Variants in NHSL1 observed in about 807,000 individuals in gnomAD.
The protein encoded by NHSL1 is NHS-like protein 1.
A neutral mutation model predicts 95.0 loss-of-function variants in NHSL1; 48 were observed. The ratio of observed to expected loss-of-function variants is 0.51; its 90% CI spans 0.40 to 0.64. The LOEUF (loss-of-function observed/expected upper bound fraction) is 0.64. Ranked by LOEUF, NHSL1 falls within the 30% of genes least tolerant of loss-of-function variation. NHSL1 has a pLI of 0.00. For synonymous variants in NHSL1, 783 were observed against 833.9 expected (o/e 0.94, Z 1.05); for missense variants, 1,971 against 2,077.7 (o/e 0.95, Z 1.00).
chr6:138,500,697 CT>C (rs1780627795), upstream of NHSL1, among the ~76,000 whole-genome samples: 2 of 152,012 alleles, frequency 1.3e-5, no homozygotes, highest in Admixed American at 1.3e-4. Context: ...CTTCTCAGGT[CT>C]TTTTATGCCC....
chr6:138,512,804 C>G (rs952037871), intron 1 of NHSL1, among the ~76,000 whole-genome samples: 1 of 152,156 alleles, frequency 6.6e-6, no homozygotes, highest in African/African-American at 2.4e-5. Flanking sequence ...ATGCACATGG[C>G]GAGAGAAAGG....
At chr6:138,581,218 T>A (rs78897705) in intron 1 of NHSL1, among the ~76,000 whole-genome samples, 1 of 152,198 alleles carries the variant, frequency 6.6e-6, no homozygotes, top group Admixed American at 6.5e-5. Context: ...GCTCTATCTT[T>A]AAGCATTTCT....
chr6:138,612,936 G>A (rs1784533694), intron 1 of NHSL1, among the ~76,000 whole-genome samples: 1 of 151,958 alleles, frequency 6.6e-6, no homozygotes, highest in Non-Finnish European at 1.5e-5. Context: ...AGTCTTAGTC[G>A]GACCACAAAG....
chr6:138,553,013 A>G (rs1157265638), intron 1 of NHSL1, among the ~76,000 whole-genome samples: 1 of 151,880 alleles, frequency 6.6e-6, no homozygotes, highest in Non-Finnish European at 1.5e-5. Context: ...ATCCACCTTC[A>G]CACCTATTAC....
intron 7 of NHSL1, 73 bp downstream of exon 7, chr6:138,429,638 A>C: frequency 7.4e-7 from 1 of 1,342,922 alleles, no homozygotes; most frequent in Non-Finnish European, 9.9e-7. Flanking sequence ...AAGGAAGAAA[A>C]GTAAATTGAG....
At chr6:138,690,524 T>G (rs1349353533) in intron 1 of NHSL1, among the ~76,000 whole-genome samples, 1 of 152,132 alleles carries the variant, frequency 6.6e-6, no homozygotes, top group Non-Finnish European at 1.5e-5. Context: ...GTGGATCGCC[T>G]GAGGTTGGGA....
chr6:138,551,580 T>C (rs1025679192), intron 1 of NHSL1, among the ~76,000 whole-genome samples: 1 of 152,240 alleles, frequency 6.6e-6, no homozygotes, highest in Admixed American at 6.5e-5. Flanking sequence ...ACAATACTTC[T>C]AGTTTCACCA....
At chr6:138,588,080 G>T (rs1381265799) in intron 1 of NHSL1, among the ~76,000 whole-genome samples, 2 of 152,256 alleles carry the variant, frequency 1.3e-5, no homozygotes, top group Non-Finnish European at 2.9e-5. Context: ...GCACCTAGCA[G>T]GTACTCCATA....
At chr6:138,507,035 G>C (rs1780997676) in intron 1 of NHSL1, among the ~76,000 whole-genome samples, 1 of 152,074 alleles carries the variant, frequency 6.6e-6, no homozygotes, top group Non-Finnish European at 1.5e-5. Context: ...TCATTTCTTA[G>C]TAGTCTAAAT....
chr6:138,558,475 G>A (rs1164730522), intron 1 of NHSL1, among the ~76,000 whole-genome samples: 1 of 147,032 alleles, frequency 6.8e-6, no homozygotes, highest in Non-Finnish European at 1.5e-5. Flanking sequence ...CCAGGCTGGA[G>A]TGCAGTGGCA....
intron 2 of NHSL1, among the ~76,000 whole-genome samples, chr6:138,491,916 T>C (rs904248528): frequency 2.0e-5 from 3 of 152,168 alleles, no homozygotes; most frequent in African/African-American, 7.2e-5. Context: ...AAGTTTTGGA[T>C]TTTGGAGCAT....
intron 1 of NHSL1, among the ~76,000 whole-genome samples, chr6:138,564,601 G>GTTT (rs1783536669): frequency 1.3e-5 from 2 of 151,580 alleles, no homozygotes; most frequent in Non-Finnish European, 2.9e-5. Flanking sequence ...TCCCAGATGT[G>GTTT]TTAAGTTTAC....
chr6:138,562,021 A>G lies in NHSL1; in HGVS notation c.202+9689T>C, dbSNP rs145023970. On this transcript the variant is annotated intron_variant, in intron 1 of 6. Transcript: ENST00000427025. ...AGAATGCTCAGAGATGCTGAATTCA[A>G]CGGAACAGAGAAGAGGTGTGGTACA... Among the ~76,000 whole-genome samples the G allele has an allele frequency of 5.1e-3, 778 of 152,356 alleles. 5 individuals are homozygous for G. Among genetic ancestry groups the G allele is most frequent in the African/African-American group, 0.018 (740 of 41,578 alleles).
At chr6:138,650,378 C>T (rs776549958) in intron 1 of NHSL1, 29 of 1,392,280 alleles carry the variant, frequency 2.1e-5, no homozygotes, top group Admixed American at 2.1e-4. Context: ...CACAGTTGTT[C>T]ACAGCCATGA....
intron 1 of NHSL1, among the ~76,000 whole-genome samples, chr6:138,653,426 T>C (rs555544924): frequency 1.3e-5 from 2 of 152,222 alleles, no homozygotes; most frequent in South Asian, 4.1e-4. Context: ...TAGTGGCATG[T>C]GCCTGTAATC....
chr6:138,650,271 G>C (rs998414429), intron 1 of NHSL1: 1 of 657,502 alleles, frequency 1.5e-6, no homozygotes, highest in Admixed American at 1.9e-5. Context: ...AAGCAGGCTG[G>C]AGCCTTGGAA....
chr6:138,640,539 T>C (rs1376042035), intron 1 of NHSL1, among the ~76,000 whole-genome samples: 3 of 152,208 alleles, frequency 2.0e-5, no homozygotes, highest in African/African-American at 7.2e-5. Context: ...TTTATGATGA[T>C]CCACTTCCAC....
chr6:138,680,946 T>C (rs1785504287), intron 1 of NHSL1, among the ~76,000 whole-genome samples: 1 of 152,198 alleles, frequency 6.6e-6, no homozygotes, highest in South Asian at 2.1e-4. Flanking sequence ...TAGGAAAGGC[T>C]TAATCATCTC....
chr6:138,659,565 TC>T (rs1461259657), intron 1 of NHSL1, among the ~76,000 whole-genome samples: 1 of 152,138 alleles, frequency 6.6e-6, no homozygotes, highest in Non-Finnish European at 1.5e-5. Flanking sequence ...AATAGTTGAC[TC>T]TTTGGGGATG....
Sources: allele counts gnomAD v4.1 joint callset (sites outside exome capture counted in the v4.1 genomes callset), GRCh38; gene constraint gnomAD v4.1.1; transcripts MANE v1.5; gene names NCBI Gene and HGNC (gene_info 2026-07-23, HGNC 2026-07-21).